Variants in PLN observed in about 807,000 individuals in gnomAD.
PLN encodes phospholamban, also known as cardiac phospholamban.
In PLN, 1 loss-of-function variant was observed where a neutral mutation model predicts 3.9. The observed-to-expected ratio is 0.26, with a 90% CI of 0.09 to 1.23. The LOEUF is 1.23. PLN is among the 50% of genes most tolerant of loss of function. PLN has a pLI of 0.48. For synonymous variants in PLN, 21 were observed against 20.5 expected (o/e 1.02, Z -0.07); for missense variants, 59 against 62.7 (o/e 0.94, Z 0.20).
chr6:118,558,110 C>G (rs975139617), intron 1 of PLN, among the ~76,000 whole-genome samples: 1 of 152,090 alleles, frequency 6.6e-6, no homozygotes, highest in Non-Finnish European at 1.5e-5. Context: ...TGCCACCAGC[C>G]TAGCTAATTT....
chr6:118,556,447 C>G (rs1359211229), intron 1 of PLN, among the ~76,000 whole-genome samples: 5 of 152,038 alleles, frequency 3.3e-5, no homozygotes, highest in Non-Finnish European at 5.9e-5. Context: ...TATAATAGAC[C>G]CAAGTTGAAC....
intron 1 of PLN, among the ~76,000 whole-genome samples, chr6:118,557,758 C>G (rs9489439): frequency 0.71 from 107,875 of 152,092 alleles, 38,982 homozygotes; most frequent in African/African-American, 0.75. Context: ...GTAAAGTCTA[C>G]GGTGATCATA....
In PLN at chr6:118,558,937, T is replaced by G. The variant is rs780082801; in HGVS notation, c.16T>G (p.Tyr6Asp). 6.2e-7 allele frequency: 1 copy of G among 1,613,956 alleles called. No individual in the cohort carries two copies. Among genetic ancestry groups the G allele is most frequent in the Non-Finnish European group, 8.5e-7 (1 of 1,179,820 alleles). Residue 6 changes from tyrosine to aspartate, a missense_variant, in exon 2 of 2, where the codon TAC becomes GAC. By Grantham distance (160) the Tyr-to-Asp change is radical. Coordinates refer to ENST00000357525, the MANE Select transcript of PLN (RefSeq NM_002667.5). MEKVQ[Y>D]LTRSAIRRAS... Reference sequence around the variant, plus strand: ...TGCTGGTATCATGGAGAAAGTCCAATACCTCACTCGCTCAGCTATAAGAAG... The same window carrying G: ...TGCTGGTATCATGGAGAAAGTCCAAGACCTCACTCGCTCAGCTATAAGAAG...
chr6:118,561,291 G>C lies in PLN; in HGVS notation c.*2211G>C, dbSNP rs1480358748. Among the ~76,000 whole-genome samples, 1 of 152,158 alleles carries C rather than the reference G, an allele frequency of 6.6e-6. No individual in the cohort carries two copies. Among genetic ancestry groups the C allele is most frequent in the Non-Finnish European group, 1.5e-5 (1 of 68,020 alleles). ...AAAGTATCCCTAGTCTTAAAAACAA[G>C]TGGAAAATTTGAACTGATTAGTCAT... On this transcript the variant is annotated 3_prime_UTR_variant, in exon 2 of 2. Transcript: ENST00000357525.
At chr6:118,558,710 G>T in intron 1 of PLN, 115 bp from the exon 2 acceptor site, 28 of 529,976 alleles carry the variant, frequency 5.3e-5, no homozygotes, top group Non-Finnish European at 7.8e-5. Flanking sequence ...ATAGAAACAT[G>T]ATGTTATAAA....
chr6:118,557,028 A>C (rs1778919318), intron 1 of PLN, among the ~76,000 whole-genome samples: 1 of 152,232 alleles, frequency 6.6e-6, no homozygotes, highest in Admixed American at 6.5e-5. Flanking sequence ...GTCTGTAAAT[A>C]GGATATGTCT....
intron 1 of PLN, among the ~76,000 whole-genome samples, chr6:118,556,167 G>C (rs1427517201): frequency 2.6e-5 from 4 of 152,172 alleles, no homozygotes; most frequent in African/African-American, 9.6e-5. Context: ...TATATACCCA[G>C]TAATGGGATT....
intron 1 of PLN, among the ~76,000 whole-genome samples, chr6:118,554,366 C>A (rs1183187535): frequency 1.3e-5 from 2 of 152,090 alleles, no homozygotes; most frequent in African/African-American, 4.8e-5. Flanking sequence ...AAGCTGGTCT[C>A]GAACTCCTGG....
chr6:118,559,037 T>G lies in PLN; in HGVS notation c.116T>G (p.Leu39Ter), dbSNP rs111033560. The G allele has an allele frequency of 1.9e-5, 31 of 1,610,992 alleles. No homozygotes were observed. The highest frequency in any genetic ancestry group is 2.5e-5 in the Non-Finnish European group (29 of 1,177,192). The change falls in exon 2 of 2, where the codon TTA (leucine) becomes TGA (stop). Residue 39 changes from leucine (L) to a stop codon, truncating the protein, a stop_gained. Transcript: ENST00000357525. LOFTEE classifies it high-confidence loss of function. ...CTATTTATCAATTTCTGTCTCATCT[T>G]AATATGTCTCTTGCTGATCTGTATC... The part of the protein sequence containing the change: ...QNLFINFCLI[L>*]ICLLLICIIV...
At position 118,559,041 on chromosome 6, in the gene PLN, A is replaced by G; in HGVS notation, c.120A>G (p.Ile40Met). Reference sequence around the variant, plus strand: ...TTATCAATTTCTGTCTCATCTTAATATGTCTCTTGCTGATCTGTATCATCG... The same window carrying G: ...TTATCAATTTCTGTCTCATCTTAATGTGTCTCTTGCTGATCTGTATCATCG... ...NLFINFCLILICLLLICIIVM... is the reference protein window; with the variant it reads ...NLFINFCLILMCLLLICIIVM... The change falls in exon 2 of 2, where the codon ATA becomes ATG. Residue 40 changes from isoleucine (I) to methionine (M), a missense_variant. Coordinates refer to ENST00000357525, the MANE Select transcript of PLN (RefSeq NM_002667.5). The G allele has an allele frequency of 6.2e-7, 1 of 1,611,386 alleles. No individual in the cohort carries two copies. Among genetic ancestry groups the G allele is most frequent in the Non-Finnish European group, 8.5e-7 (1 of 1,177,526 alleles).
At chr6:118,558,068 G>A (rs1007346801) in intron 1 of PLN, among the ~76,000 whole-genome samples, 3 of 151,314 alleles carry the variant, frequency 2.0e-5, no homozygotes, top group African/African-American at 7.3e-5. Context: ...GGGCTCCAGC[G>A]ATCCTCCCAA....
In PLN at chr6:118,551,686, T is replaced by C. The variant is rs149050437; in HGVS notation, c.-98+3294T>C. Among the ~76,000 whole-genome samples, 62 of 152,136 alleles carry C rather than the reference T, an allele frequency of 4.1e-4. 1 individual carries two copies. The East Asian group carries it at 0.011, about 27-fold the overall frequency. ...TGAGAAGCACTTCATTATGGGTCAA[T>C]TTAGGAATGAGAATATATTGATTTT... On this transcript the variant is annotated intron_variant, in intron 1 of 1. Transcript: ENST00000357525.
intron 1 of PLN, among the ~76,000 whole-genome samples, chr6:118,554,658 T>C (rs1778747047): frequency 1.3e-5 from 2 of 152,194 alleles, no homozygotes; most frequent in South Asian, 2.1e-4. Context: ...GATATCCTCA[T>C]ATAGATAACA....
intron 1 of PLN, among the ~76,000 whole-genome samples, chr6:118,554,038 T>A (rs1248147580): frequency 6.6e-6 from 1 of 152,214 alleles, no homozygotes; most frequent in Non-Finnish European, 1.5e-5. Context: ...GGGCCAGGCA[T>A]GGTCATTCAC....
intron 1 of PLN, among the ~76,000 whole-genome samples, chr6:118,557,571 G>A (rs1778950968): frequency 6.6e-6 from 1 of 152,112 alleles, no homozygotes; most frequent in Admixed American, 6.6e-5. Flanking sequence ...GTTGTCCTGG[G>A]TTGAGTGTGA....
At chr6:118,549,644 A>G (rs1307009953) in intron 1 of PLN, among the ~76,000 whole-genome samples, 2 of 151,808 alleles carry the variant, frequency 1.3e-5, no homozygotes, top group African/African-American at 2.4e-5. Flanking sequence ...TTGTGTCTCC[A>G]TATCTCTATA....
chr6:118,551,391 T>C (rs1219218624), intron 1 of PLN, among the ~76,000 whole-genome samples: 1 of 78,424 alleles, frequency 1.3e-5, no homozygotes, highest in Non-Finnish European at 3.2e-5. Context: ...TAAGTGGCAT[T>C]CATTTTAAAT....
intron 1 of PLN, among the ~76,000 whole-genome samples, chr6:118,555,551 G>A (rs1778810981): frequency 6.6e-6 from 1 of 151,794 alleles, no homozygotes; most frequent in African/African-American, 2.4e-5. Context: ...CTTAAAGGAT[G>A]AATCTCAATA....
In PLN at chr6:118,559,050, G is replaced by A; in HGVS notation, c.129G>A (p.Leu43=). 6.2e-7 allele frequency: 1 copy of A among 1,611,712 alleles called. No individual in the cohort carries two copies. The highest frequency in any genetic ancestry group is 8.5e-7 in the Non-Finnish European group (1 of 1,177,814). ...TCTGTCTCATCTTAATATGTCTCTT[G>A]CTGATCTGTATCATCGTGATGCTTC... ...INFCLILICL[L]LICIIVMLL Residue 43 remains leucine, a synonymous_variant, in exon 2 of 2, where the codon TTG becomes TTA. Coordinates refer to ENST00000357525, the MANE Select transcript of PLN (RefSeq NM_002667.5).
Sources: gnomAD v4.1 joint callset for allele counts (sites outside exome capture counted in the v4.1 genomes callset) on GRCh38, gnomAD v4.1.1 for gene constraint, MANE v1.5 for transcripts, NCBI Gene and HGNC (gene_info 2026-07-23, HGNC 2026-07-21) for gene names.